NUAK1: variants seen among roughly 807,000 people sequenced by gnomAD.
The protein encoded by NUAK1 is NUAK family kinase 1, also known as NUAK family SNF1-like kinase 1.
In NUAK1, 26 loss-of-function variants were observed where a neutral mutation model predicts 56.9. The observed-to-expected ratio is 0.46, with a 90% CI of 0.33 to 0.63. NUAK1 has a LOEUF of 0.63. Among genes scored for constraint, NUAK1 ranks in the 30% least tolerant of loss-of-function variants. NUAK1 has a pLI of 0.02. For synonymous variants in NUAK1, 337 were observed against 336.0 expected (o/e 1.00, Z -0.03); for missense variants, 727 against 876.1 (o/e 0.83, Z 2.15).
chr12:106,100,396 A>G (rs1288126277), intron 2 of NUAK1, among the ~76,000 whole-genome samples: 6 of 152,064 alleles, frequency 3.9e-5, no homozygotes, highest in Admixed American at 2.6e-4. Flanking sequence ...GCATTTGCGC[A>G]TGCTGTTCCC....
intron 1 of NUAK1, among the ~76,000 whole-genome samples, chr12:106,137,753 TCTGTAGCTACCCATGCC>T (rs2033143223): frequency 1.3e-5 from 2 of 152,234 alleles, no homozygotes; most frequent in Admixed American, 1.3e-4. Context: ...CACAGCTATC[TCTGTAGCTACCCATGCC>T]CTGGACATTT....
At position 106,067,798 on chromosome 12, in the gene NUAK1, C is replaced by T. The variant is rs781343935; in HGVS notation, c.990G>A (p.Arg330=). Residue 330 remains arginine, a synonymous_variant, in exon 7 of 7, where the codon CGG becomes CGA. Coordinates refer to ENST00000261402, the MANE Select transcript of NUAK1 (RefSeq NM_014840.3). The surrounding 1 kb of genome is among the most constrained non-coding windows in gnomAD (Gnocchi z 6.0). ...LHDSESPLLA[R]IIDWHHRSTG... Reference sequence around the variant, plus strand: ...TGGAACGGTGGTGCCAGTCAATGATCCGAGCCAGGAGTGGGGACTCAGAGT... The same window carrying T: ...TGGAACGGTGGTGCCAGTCAATGATTCGAGCCAGGAGTGGGGACTCAGAGT... 6.2e-7 allele frequency: 1 copy of T among 1,614,076 alleles called. No homozygotes were observed. The highest frequency in any genetic ancestry group is 8.5e-7 in the Non-Finnish European group (1 of 1,180,052).
rs1278590424 is a variant in NUAK1, at chr12:106,129,375, C to A, written c.240+9039G>T. Among the ~76,000 whole-genome samples the A allele has an allele frequency of 2.0e-5, 3 of 152,234 alleles. No homozygotes were observed. In the East Asian group the frequency reaches 5.8e-4, roughly 29 times the overall value. On this transcript the variant is annotated intron_variant, in intron 1 of 6. Coordinates refer to ENST00000261402, the MANE Select transcript of NUAK1 (RefSeq NM_014840.3). ...CAATCATTCATTCATTCTTACTGAG[C>A]ACCCACTAGATGCCTAGCACTGGGC...
chr12:106,067,011 G>A lies in NUAK1; in HGVS notation c.1777C>T (p.Pro593Ser). The A allele has an allele frequency of 1.2e-6, 2 of 1,614,228 alleles. No homozygotes were observed. Among genetic ancestry groups the A allele is most frequent in the Non-Finnish European group, 1.7e-6 (2 of 1,180,044 alleles). ...CAGCTGCGGATGCGCTGGCGGGCAGGGCGATTCTCCTGCAAATCCAGCAAG... is the reference window on the plus strand; with the variant it reads ...CAGCTGCGGATGCGCTGGCGGGCAGAGCGATTCTCCTGCAAATCCAGCAAG... ...FDLLDLQENR[P>S]ARQRIRSCVS... The change falls in exon 7 of 7, where the codon CCT becomes TCT. Residue 593 changes from proline to serine, a missense_variant. Transcript: ENST00000261402. This position sits in a 1 kb window ranked among gnomAD's most constrained non-coding sequence, Gnocchi z 6.0.
intron 2 of NUAK1, among the ~76,000 whole-genome samples, chr12:106,088,838 C>G (rs562480175): frequency 6.6e-6 from 1 of 152,314 alleles, no homozygotes; most frequent in African/African-American, 2.4e-5. Context: ...CCTGGGTCCC[C>G]TGTCCTCCCA....
intron 2 of NUAK1, among the ~76,000 whole-genome samples, chr12:106,093,889 C>T (rs1267034753): frequency 6.6e-6 from 1 of 152,180 alleles, no homozygotes; most frequent in African/African-American, 2.4e-5. Context: ...ACCTCCGCCT[C>T]CCAGGCTTAA....
intron 1 of NUAK1, among the ~76,000 whole-genome samples, chr12:106,118,364 C>T (rs980007239): frequency 3.9e-5 from 6 of 152,272 alleles, no homozygotes; most frequent in South Asian, 4.1e-4. Context: ...CACTGGACCA[C>T]GCCTGTTTCC....
chr12:106,087,811 ATCAAGT>A (rs1468040578), intron 2 of NUAK1, among the ~76,000 whole-genome samples: 1 of 152,192 alleles, frequency 6.6e-6, no homozygotes, highest in African/African-American at 2.4e-5. Flanking sequence ...GGCGTCAAAG[ATCAAGT>A]GCAGAACTAC....
intron 1 of NUAK1, among the ~76,000 whole-genome samples, chr12:106,131,817 C>T (rs1471798232): frequency 1.3e-5 from 2 of 152,130 alleles, no homozygotes; most frequent in Non-Finnish European, 2.9e-5. Context: ...GTAAAGCCAA[C>T]ATCTGGCTGC....
intron 3 of NUAK1, among the ~76,000 whole-genome samples, chr12:106,085,854 G>A (rs368873631): frequency 1.7e-4 from 26 of 152,092 alleles, no homozygotes; most frequent in South Asian, 6.3e-4. Flanking sequence ...CTACAGGTGC[G>A]CAACCTCATG....
At chr12:106,112,528 C>T (rs1476231800) in intron 1 of NUAK1, among the ~76,000 whole-genome samples, 1 of 152,186 alleles carries the variant, frequency 6.6e-6, no homozygotes, top group African/African-American at 2.4e-5. Context: ...TGCCACCCAT[C>T]TTGCAAACAA....
chr12:106,111,297 A>C (rs191103261), intron 1 of NUAK1, among the ~76,000 whole-genome samples: 4 of 152,180 alleles, frequency 2.6e-5, no homozygotes, highest in African/African-American at 9.6e-5. Flanking sequence ...CTCCACCCCC[A>C]CACATATCCT....
In NUAK1 at chr12:106,072,915, C is replaced by CCA. The variant is rs957686721; in HGVS notation, c.580-74_580-73dup. ...TATGTCTGTGTTGGATCAGTTCACA[C>CCA]CACACAGCACACAGAGTGGATGAAG... On this transcript the variant is annotated intron_variant, in intron 4 of 6. Coordinates refer to ENST00000261402, the MANE Select transcript of NUAK1 (RefSeq NM_014840.3). 1.9e-6 allele frequency: 3 copies of CCA among 1,566,800 alleles called. No individual in the cohort carries two copies. The Admixed American group carries it at 5.1e-5, about 27-fold the overall frequency.
At chr12:106,110,626 G>C (rs1008328869) in intron 1 of NUAK1, among the ~76,000 whole-genome samples, 1 of 152,174 alleles carries the variant, frequency 6.6e-6, no homozygotes, top group Admixed American at 6.5e-5. Context: ...ATTTGTTCCT[G>C]TACAAGTCAG....
chr12:106,067,700 T>C lies in NUAK1; in HGVS notation c.1088A>G (p.Glu363Gly). The change falls in exon 7 of 7, where the codon GAG becomes GGG. Residue 363 changes from glutamate (E) to glycine (G), a missense_variant. Coordinates refer to ENST00000261402, the MANE Select transcript of NUAK1 (RefSeq NM_014840.3). This position sits in a 1 kb window ranked among gnomAD's most constrained non-coding sequence, Gnocchi z 6.0. The stretch of plus-strand genomic sequence containing the variant: ...GGATTTCTTCAGCGACCGCTGCCGC[T>C]CTAGCATGACCTCAGAGGTCGTGGG... ...AKPTTSEVML[E>G]RQRSLKKSKK... The C allele has an allele frequency of 6.2e-7, 1 of 1,614,178 alleles. No homozygotes were observed.
intron 2 of NUAK1, chr12:106,087,091 T>G: frequency 1.9e-6 from 1 of 523,172 alleles, no homozygotes; most frequent in Non-Finnish European, 3.4e-6. Context: ...ACCACCACTG[T>G]TCCTGGACAC....
intron 3 of NUAK1, among the ~76,000 whole-genome samples, chr12:106,085,629 A>G (rs1344134001): frequency 6.6e-6 from 1 of 152,208 alleles, no homozygotes; most frequent in East Asian, 1.9e-4. Context: ...AATGGCTGAG[A>G]CATGGCTTGT....
At chr12:106,075,286 A>AACAC (rs370123170) in intron 4 of NUAK1, among the ~76,000 whole-genome samples, 3,209 of 133,948 alleles carry the variant, frequency 0.024, 47 homozygotes, top group African/African-American at 0.034. Flanking sequence ...AGTATTAATC[A>AACAC]ACACACACAC....
At chr12:106,073,670 T>A (rs1457134787) in intron 4 of NUAK1, among the ~76,000 whole-genome samples, 2 of 151,968 alleles carry the variant, frequency 1.3e-5, no homozygotes, top group African/African-American at 4.8e-5. Context: ...ATACAAAAAT[T>A]AGCCGGGCGT....
Sources: allele counts gnomAD v4.1 joint callset (sites outside exome capture counted in the v4.1 genomes callset), GRCh38; gene constraint gnomAD v4.1.1; non-coding constraint Gnocchi (gnomAD v3.1); transcripts MANE v1.5; gene names NCBI Gene and HGNC (gene_info 2026-07-23, HGNC 2026-07-21).